The following ATRNL1 variants were observed in gnomAD, a reference collection of about 807,000 sequenced individuals.
ATRNL1 encodes attractin-like protein 1.
ATRNL1 carries 95 observed loss-of-function variants against 182.7 expected under a neutral mutation model. That is an observed-to-expected ratio of 0.52 (90% confidence interval 0.44 to 0.62). The LOEUF is 0.62. Ranked by LOEUF, ATRNL1 falls within the 20% of genes least tolerant of loss-of-function variation. ATRNL1 has a pLI of 0.00. For missense variants in ATRNL1, 1,471 were observed against 1,679.5 expected, an observed-to-expected ratio of 0.88 and a Z score of 2.17; for synonymous variants, 576 against 568.3, an observed-to-expected ratio of 1.01 and a Z score of -0.19.
At chr10:115,888,761 A>G (rs1484873566) in intron 28 of ATRNL1, among the ~76,000 whole-genome samples, 2 of 152,198 alleles carry the variant, frequency 1.3e-5, no homozygotes, top group Non-Finnish European at 2.9e-5. Context: ...TTCTTCATCC[A>G]GTGACTTGAC....
intron 26 of ATRNL1, among the ~76,000 whole-genome samples, chr10:115,628,772 T>C (rs1007163615): frequency 3.3e-5 from 5 of 152,194 alleles, no homozygotes; most frequent in African/African-American, 1.2e-4. Context: ...TCCAACTTCA[T>C]TCTATTTTTG....
chr10:115,520,714 G>A (rs1288698719), intron 25 of ATRNL1, among the ~76,000 whole-genome samples: 4 of 152,018 alleles, frequency 2.6e-5, no homozygotes, highest in South Asian at 4.2e-4. Flanking sequence ...CTCCATGTGG[G>A]CCCATATATA....
chr10:115,476,324 AT>A (rs1180208239), intron 24 of ATRNL1, among the ~76,000 whole-genome samples: 1 of 151,156 alleles, frequency 6.6e-6, no homozygotes, highest in Non-Finnish European at 1.5e-5. Flanking sequence ...TTTTTGGCAT[AT>A]TTTTTATTTT....
chr10:115,861,349 C>T (rs1224502921), intron 28 of ATRNL1, among the ~76,000 whole-genome samples: 1 of 152,152 alleles, frequency 6.6e-6, no homozygotes, highest in Admixed American at 6.5e-5. Context: ...TAAATTGTGC[C>T]TACAACATAG....
chr10:115,290,620 C>A (rs1554920560), intron 15 of ATRNL1, among the ~76,000 whole-genome samples: 3 of 152,272 alleles, frequency 2.0e-5, no homozygotes, highest in African/African-American at 7.2e-5. Flanking sequence ...CGTGCCATTG[C>A]ACCCCAGCCT....
chr10:115,914,024 A>G (rs1952767558), intron 28 of ATRNL1, among the ~76,000 whole-genome samples: 1 of 152,130 alleles, frequency 6.6e-6, no homozygotes, highest in Non-Finnish European at 1.5e-5. Flanking sequence ...ATGGGAGGTG[A>G]TTAGATCATG....
chr10:115,504,469 T>G (rs578085728), intron 24 of ATRNL1, among the ~76,000 whole-genome samples: 231 of 152,192 alleles, frequency 1.5e-3, no homozygotes, highest in African/African-American at 5.4e-3. Context: ...AAATTTAAGA[T>G]GTATCTATTT....
At chr10:115,496,689 T>C (rs1177779044) in intron 24 of ATRNL1, among the ~76,000 whole-genome samples, 2 of 152,164 alleles carry the variant, frequency 1.3e-5, no homozygotes, top group Non-Finnish European at 2.9e-5. Context: ...TTGATTTGAG[T>C]TTTTATTCTT....
At chr10:115,454,386 A>T (rs115462940) in intron 21 of ATRNL1, among the ~76,000 whole-genome samples, 2,043 of 151,936 alleles carry the variant, frequency 0.013, 38 homozygotes, top group African/African-American at 0.047. Flanking sequence ...TATTTGGGTT[A>T]TTTGGTGGTT....
chr10:115,565,786 A>G (rs958622620), intron 26 of ATRNL1, among the ~76,000 whole-genome samples: 5 of 152,096 alleles, frequency 3.3e-5, no homozygotes, highest in Non-Finnish European at 5.9e-5. Flanking sequence ...GATTATTTTT[A>G]TTATTTATTA....
rs1445716365 is a variant in ATRNL1, at chr10:115,202,156, A to G, written c.1349-13541A>G. Among the ~76,000 whole-genome samples the G allele has an allele frequency of 2.6e-4, 39 of 152,242 alleles. No homozygotes were observed. In the East Asian group the frequency reaches 7.3e-3, roughly 29 times the overall value. On this transcript the variant is annotated intron_variant, in intron 8 of 28. Coordinates refer to ENST00000355044, the MANE Select transcript of ATRNL1 (RefSeq NM_207303.4). The stretch of plus-strand genomic sequence containing the variant: ...GCTGAGGCAATGGGGTTTTCTAGAT[A>G]TACAATCATGTCATCTGCAAACAGG...
chr10:115,348,916 T>C (rs1592498537), intron 19 of ATRNL1, among the ~76,000 whole-genome samples: 1 of 152,352 alleles, frequency 6.6e-6, no homozygotes, highest in South Asian at 2.1e-4. Context: ...TCTGGGTAAC[T>C]GAAATATCCA....
intron 26 of ATRNL1, among the ~76,000 whole-genome samples, chr10:115,667,302 A>C (rs1453913436): frequency 1.3e-5 from 2 of 152,176 alleles, no homozygotes; most frequent in African/African-American, 2.4e-5. Flanking sequence ...GGTGTAACGA[A>C]CTATCTCAAA....
At chr10:115,161,340 A>G (rs1003192945) in intron 6 of ATRNL1, among the ~76,000 whole-genome samples, 1 of 152,012 alleles carries the variant, frequency 6.6e-6, no homozygotes, top group Non-Finnish European at 1.5e-5. Context: ...AACATGAAGA[A>G]TAAAATACAG....
At chr10:115,097,954 A>C (rs1343151527) in intron 1 of ATRNL1, among the ~76,000 whole-genome samples, 1 of 152,272 alleles carries the variant, frequency 6.6e-6, no homozygotes, top group East Asian at 1.9e-4. Flanking sequence ...AACAACAACA[A>C]AAAACAAATA....
At chr10:115,121,390 G>T (rs1386476513) in intron 2 of ATRNL1, among the ~76,000 whole-genome samples, 1 of 152,192 alleles carries the variant, frequency 6.6e-6, no homozygotes, top group Non-Finnish European at 1.5e-5. Flanking sequence ...GATTACAGGC[G>T]AGAGCCACTG....
chr10:115,756,301 A>G (rs1555072057), intron 27 of ATRNL1, among the ~76,000 whole-genome samples: 3 of 152,102 alleles, frequency 2.0e-5, no homozygotes, highest in Non-Finnish European at 4.4e-5. Flanking sequence ...GTGGGTATTT[A>G]GTGCTATAAA....
At chr10:115,830,665 G>C (rs1164484854) in intron 27 of ATRNL1, among the ~76,000 whole-genome samples, 1 of 152,300 alleles carries the variant, frequency 6.6e-6, no homozygotes, top group South Asian at 2.1e-4. Flanking sequence ...GTGCAGAGGT[G>C]TGAGTGTTTT....
chr10:115,482,375 G>T (rs76259951), intron 24 of ATRNL1, among the ~76,000 whole-genome samples: 1 of 150,744 alleles, frequency 6.6e-6, no homozygotes, highest in Non-Finnish European at 1.5e-5. Context: ...TTATTCAAAT[G>T]GCAAAGTAAA....
Sources: allele counts gnomAD v4.1 joint callset (sites outside exome capture counted in the v4.1 genomes callset), GRCh38; gene constraint gnomAD v4.1.1; transcripts MANE v1.5; gene names NCBI Gene and HGNC (gene_info 2026-07-23, HGNC 2026-07-21).